Variants in SLC35F4 observed in about 807,000 individuals in gnomAD.
SLC35F4 encodes the protein chromosome 14 open reading frame 36.
A neutral mutation model predicts 44.2 loss-of-function variants in SLC35F4; 24 were observed. The observed-to-expected ratio is 0.54, with a 90% CI of 0.39 to 0.76. SLC35F4 has a LOEUF of 0.76. SLC35F4 is among the 30% of genes least tolerant of loss of function. The pLI is 0.00. For synonymous variants in SLC35F4, 238 were observed against 223.6 expected (o/e 1.06, Z -0.57); for missense variants, 562 against 586.1 (o/e 0.96, Z 0.42).
At chr14:57,650,636 A>G (rs907812862) in intron 1 of SLC35F4, among the ~76,000 whole-genome samples, 1 of 152,110 alleles carries the variant, frequency 6.6e-6, no homozygotes, top group African/African-American at 2.4e-5. Flanking sequence ...TAGTAGCCAG[A>G]GTGTGGTCTT....
At chr14:57,800,535 T>G (rs929737156) in intron 1 of SLC35F4, among the ~76,000 whole-genome samples, 1 of 152,060 alleles carries the variant, frequency 6.6e-6, no homozygotes, top group Non-Finnish European at 1.5e-5. Context: ...TTGACAGAAG[T>G]AGGCTTCAGA....
At chr14:57,892,325 G>A (rs1383743977) in intron 1 of SLC35F4, among the ~76,000 whole-genome samples, 3 of 152,190 alleles carry the variant, frequency 2.0e-5, no homozygotes, top group Admixed American at 6.5e-5. Context: ...TTAGTCAGGT[G>A]ACATGTTTAG....
chr14:57,631,923 C>T lies in SLC35F4; in HGVS notation c.104-37799G>A, dbSNP rs140300797. Among the ~76,000 whole-genome samples, 46 of 152,102 alleles carry T rather than the reference C, an allele frequency of 3.0e-4. No homozygotes were observed. In the East Asian group the frequency reaches 3.3e-3, roughly 11 times the overall value. On this transcript the variant is annotated intron_variant, in intron 1 of 7. Transcript: ENST00000556826. ...ATAAGTAAGAATTATCACAAAGAAA[C>T]GATTCCTTTTAGAGGATTACTTTTT... is the stretch of plus-strand genomic sequence containing the variant.
At chr14:57,619,427 C>G (rs2072050125) in intron 1 of SLC35F4, among the ~76,000 whole-genome samples, 1 of 152,158 alleles carries the variant, frequency 6.6e-6, no homozygotes. Context: ...CCAACAAACT[C>G]CAGTAGACCT....
At chr14:57,948,129 T>C (rs904033679) in intron 1 of SLC35F4, among the ~76,000 whole-genome samples, 1 of 152,318 alleles carries the variant, frequency 6.6e-6, no homozygotes, top group African/African-American at 2.4e-5. Context: ...CTTCTTTGAA[T>C]GTCTGATAAA....
intron 1 of SLC35F4, among the ~76,000 whole-genome samples, chr14:57,848,929 A>C (rs917336308): frequency 6.6e-6 from 1 of 152,138 alleles, no homozygotes; most frequent in African/African-American, 2.4e-5. Context: ...TAAACATGAA[A>C]TTCATGCTGC....
At chr14:57,623,912 A>C (rs1270115292) in intron 1 of SLC35F4, among the ~76,000 whole-genome samples, 1 of 152,112 alleles carries the variant, frequency 6.6e-6, no homozygotes, top group Non-Finnish European at 1.5e-5. Context: ...GGAGTAAACA[A>C]ATGCAAAAGC....
chr14:57,966,598 T>C (rs953494855), intron 1 of SLC35F4, among the ~76,000 whole-genome samples: 1 of 152,202 alleles, frequency 6.6e-6, no homozygotes, highest in South Asian at 2.1e-4. Flanking sequence ...ACGTGGGGAA[T>C]AGAGAAAGCA....
chr14:57,723,256 C>A (rs1472585321), intron 1 of SLC35F4, among the ~76,000 whole-genome samples: 2 of 152,180 alleles, frequency 1.3e-5, no homozygotes, highest in African/African-American at 4.8e-5. Context: ...ACATACTTAG[C>A]AGCTGGCAGA....
At chr14:57,571,850 A>T (rs775664439) in intron 5 of SLC35F4, 44 bp downstream of exon 5, 1 of 1,592,350 alleles carries the variant, frequency 6.3e-7, no homozygotes, top group South Asian at 1.1e-5. Context: ...CTCAAGTCTA[A>T]GTTATGAGTG....
chr14:57,838,469 TACAGTC>T (rs1885163772), intron 1 of SLC35F4, among the ~76,000 whole-genome samples: 1 of 152,160 alleles, frequency 6.6e-6, no homozygotes. Context: ...AAAAAATATA[TACAGTC>T]AAATCATTTT....
chr14:57,925,500 AG>A (rs1889542762), intron 1 of SLC35F4, among the ~76,000 whole-genome samples: 1 of 43,610 alleles, frequency 2.3e-5, no homozygotes, highest in Non-Finnish European at 4.5e-5. Context: ...GAAGGAAGGG[AG>A]GGAGGGAGGG....
At chr14:57,905,719 G>T (rs1428988716) in intron 1 of SLC35F4, among the ~76,000 whole-genome samples, 3 of 152,166 alleles carry the variant, frequency 2.0e-5, no homozygotes, top group Non-Finnish European at 4.4e-5. Flanking sequence ...GGAGTGAGTG[G>T]CCACTGAAAA....
chr14:57,879,001 C>T (rs1888461126), intron 1 of SLC35F4, among the ~76,000 whole-genome samples: 1 of 152,066 alleles, frequency 6.6e-6, no homozygotes, highest in Non-Finnish European at 1.5e-5. Flanking sequence ...AAGGACATAC[C>T]ATCTCTGCCA....
At chr14:57,648,429 A>C (rs906660147) in intron 1 of SLC35F4, among the ~76,000 whole-genome samples, 1 of 152,216 alleles carries the variant, frequency 6.6e-6, no homozygotes, top group Admixed American at 6.5e-5. Flanking sequence ...ACATAAAATA[A>C]AAATTCAAAA....
intron 1 of SLC35F4, among the ~76,000 whole-genome samples, chr14:57,771,964 CAT>C (rs750720074): frequency 2.0e-5 from 3 of 152,242 alleles, no homozygotes; most frequent in Admixed American, 6.5e-5. Flanking sequence ...CATATGTTCT[CAT>C]AGGTAATTTC....
chr14:57,917,425 T>C (rs907485558), intron 1 of SLC35F4, among the ~76,000 whole-genome samples: 2 of 152,140 alleles, frequency 1.3e-5, no homozygotes, highest in African/African-American at 4.8e-5. Flanking sequence ...CCTTTTAGCA[T>C]ATTAATCACA....
At chr14:57,664,768 G>A (rs566041230) in intron 1 of SLC35F4, among the ~76,000 whole-genome samples, 1 of 152,298 alleles carries the variant, frequency 6.6e-6, no homozygotes, top group South Asian at 2.1e-4. Context: ...TTCCGTCCAT[G>A]AGTGGCAATA....
intron 1 of SLC35F4, among the ~76,000 whole-genome samples, chr14:57,979,796 C>T (rs1429029496): frequency 6.6e-6 from 1 of 152,120 alleles, no homozygotes; most frequent in East Asian, 1.9e-4. Context: ...CTGGCTTTCC[C>T]TGTGAGTTGC....
Sources: allele counts gnomAD v4.1 joint callset (sites outside exome capture counted in the v4.1 genomes callset), GRCh38; gene constraint gnomAD v4.1.1; transcripts MANE v1.5; gene names NCBI Gene and HGNC (gene_info 2026-07-23, HGNC 2026-07-21).